The following HERC1 variants were observed in gnomAD, a reference collection of about 807,000 sequenced individuals.
HERC1 encodes the protein probable E3 ubiquitin-protein ligase HERC1.
In HERC1, 160 loss-of-function variants were observed where a neutral mutation model predicts 554.3. That is an observed-to-expected ratio of 0.29 (90% CI 0.25 to 0.33). The LOEUF is 0.33. Ranked by LOEUF, HERC1 falls within the 10% of genes least tolerant of loss-of-function variation. The pLI is 1.00. For missense variants in HERC1, 4,919 were observed against 5,918.5 expected, an observed-to-expected ratio of 0.83 and a Z score of 5.54; for synonymous variants, 2,175 against 2,131.7, an observed-to-expected ratio of 1.02 and a Z score of -0.56.
chr15:63,608,783 A>G lies in HERC1; in HGVS notation c.*298T>C. On this transcript the variant is annotated 3_prime_UTR_variant, in exon 78 of 78. Coordinates refer to ENST00000443617, the MANE Select transcript of HERC1 (RefSeq NM_003922.4). The stretch of plus-strand genomic sequence containing the variant: ...TCACTGGGTGGATTTACAAAAATGT[A>G]CCATTCCCAACTAAAAATGCACCAA... 4.1e-6 allele frequency: 1 copy of G among 244,334 alleles called. No homozygotes were observed. The highest frequency in any genetic ancestry group is 7.9e-6 in the Non-Finnish European group (1 of 126,320). 15.1% of individuals were successfully genotyped at this position (244,334 alleles called of 1,614,324 possible). A position where few individuals can be genotyped will look rare whatever the true frequency, so the allele number is the denominator to read the frequency against.
chr15:63,815,219 A>G (rs1488463858), intron 1 of HERC1, among the ~76,000 whole-genome samples: 1 of 152,082 alleles, frequency 6.6e-6, no homozygotes, highest in Non-Finnish European at 1.5e-5. Context: ...TCCCTCCAAA[A>G]AGACTTTAAA....
intron 67 of HERC1, among the ~76,000 whole-genome samples, 194 bp downstream of exon 67, chr15:63,633,654 T>A (rs1345869286): frequency 1.3e-5 from 2 of 152,216 alleles, no homozygotes; most frequent in East Asian, 1.9e-4. Flanking sequence ...TAAATCCAGT[T>A]TAGCTGGATT....
intron 3 of HERC1, among the ~76,000 whole-genome samples, chr15:63,759,925 C>G (rs6494430): frequency 0.26 from 39,407 of 152,048 alleles, 5,646 homozygotes; most frequent in Middle Eastern, 0.38. Flanking sequence ...AGGACAGCTG[C>G]CAGTCCCTAA....
At chr15:63,621,889 G>A (rs1441339901) in intron 74 of HERC1, among the ~76,000 whole-genome samples, 2 of 151,940 alleles carry the variant, frequency 1.3e-5, no homozygotes, top group Non-Finnish European at 2.9e-5. Flanking sequence ...TTAGCCATTC[G>A]TCTAATTTTT....
Position 63,706,913 on chromosome 15 carries a change from G to C in HERC1, c.4585-82C>G, listed in dbSNP as rs72750987. On this transcript the variant is annotated intron_variant, in intron 24 of 77. Transcript: ENST00000443617. ...TAAGATTTAATAGAGTATTAGAATAGAAATTCATGTAATTACAGCAATGTC... is the reference window on the plus strand; with the variant it reads ...TAAGATTTAATAGAGTATTAGAATACAAATTCATGTAATTACAGCAATGTC... 0.19 allele frequency: 163,477 copies of C among 852,078 alleles called. 17,617 individuals carry two copies. Among genetic ancestry groups the C allele is most frequent in the Non-Finnish European group, 0.22 (122,987 of 548,968 alleles). The allele number at this position is 852,078 out of a possible 1,614,324, so 52.8% of individuals were successfully genotyped here. A position where few individuals can be genotyped will look rare whatever the true frequency, so the allele number is the denominator to read the frequency against.
rs765559565 is a variant in HERC1, at chr15:63,729,596, T to C, written c.2922A>G (p.Thr974=). 1.9e-6 allele frequency: 3 copies of C among 1,613,756 alleles called. No individual in the cohort carries two copies. Among genetic ancestry groups the C allele is most frequent in the Admixed American group, 3.3e-5 (2 of 60,028 alleles). ...EKNSDKFLLG[T]SSSENSQPAH... ...CAGGCTGACTGTTTTCTGATGATGA[T>C]GTTCCAAGTAGAAATTTATCACTAT... Residue 974 remains threonine (T), a synonymous_variant, in exon 15 of 78, where the codon ACA becomes ACG. Transcript: ENST00000443617.
intron 2 of HERC1, among the ~76,000 whole-genome samples, chr15:63,765,954 C>CA (rs2075763409): frequency 1.3e-5 from 2 of 152,000 alleles, no homozygotes; most frequent in Admixed American, 1.3e-4. Flanking sequence ...TTTCTTGTCT[C>CA]AGACACTTCT....
chr15:63,769,466 T>C (rs768671852), intron 2 of HERC1, among the ~76,000 whole-genome samples: 12 of 152,188 alleles, frequency 7.9e-5, no homozygotes, highest in Non-Finnish European at 1.5e-4. Flanking sequence ...AAAATAAATT[T>C]TGAAAAATAT....
intron 1 of HERC1, among the ~76,000 whole-genome samples, chr15:63,785,478 A>C: frequency 6.6e-6 from 1 of 152,042 alleles, no homozygotes; most frequent in South Asian, 2.1e-4. Context: ...ATAAACTTTA[A>C]GAATATTAGG....
chr15:63,627,810 T>C (rs542118850), intron 70 of HERC1, among the ~76,000 whole-genome samples: 91 of 152,332 alleles, frequency 6.0e-4, no homozygotes, highest in African/African-American at 2.1e-3. Context: ...CAGTTGGGTG[T>C]TGAGCACACA....
chr15:63,790,532 C>A (rs1033053698), intron 1 of HERC1, among the ~76,000 whole-genome samples: 1 of 151,880 alleles, frequency 6.6e-6, no homozygotes, highest in East Asian at 1.9e-4. Flanking sequence ...GAGCCGAGAT[C>A]GCACCACTGC....
Position 63,669,611 on chromosome 15 carries a change from A to G in HERC1, c.8133T>C (p.Pro2711=). 1 of 1,613,900 alleles carries G rather than the reference A, an allele frequency of 6.2e-7. No individual in the cohort carries two copies. ...TTTGCCTCCTTCCTACTTCATCAGA[A>G]GGAGAGGTTGGTAACGAAGATATTG... ...TPPISSLPTS[P]SDEVGRRQSL... Residue 2711 remains proline (P), a synonymous_variant, in exon 40 of 78, where the codon CCT becomes CCC. Transcript: ENST00000443617.
intron 42 of HERC1, among the ~76,000 whole-genome samples, chr15:63,664,919 C>A: frequency 6.6e-6 from 1 of 152,120 alleles, no homozygotes; most frequent in East Asian, 1.9e-4. Context: ...ATTGAGAATT[C>A]TTGCCTAGGA....
intron 2 of HERC1, among the ~76,000 whole-genome samples, chr15:63,767,824 C>T (rs749078682): frequency 3.9e-5 from 6 of 152,150 alleles, no homozygotes; most frequent in South Asian, 4.1e-4. Flanking sequence ...ACAAGTTCTC[C>T]CTCTGCCTTC....
intron 1 of HERC1, among the ~76,000 whole-genome samples, chr15:63,830,051 A>C (rs1025943555): frequency 6.6e-6 from 1 of 152,228 alleles, no homozygotes; most frequent in Non-Finnish European, 1.5e-5. Flanking sequence ...ATGATTAGCC[A>C]AACACCACAG....
At chr15:63,788,325 G>A (rs2076521908) in intron 1 of HERC1, among the ~76,000 whole-genome samples, 1 of 152,134 alleles carries the variant, frequency 6.6e-6, no homozygotes, top group Admixed American at 6.5e-5. Context: ...ACTGTAAATT[G>A]GAGAATTGGG....
intron 2 of HERC1, among the ~76,000 whole-genome samples, chr15:63,773,163 C>T (rs2076001592): frequency 6.6e-6 from 1 of 152,124 alleles, no homozygotes; most frequent in Non-Finnish European, 1.5e-5. Flanking sequence ...TCAATGTAGG[C>T]CGGGTGTGGT....
At chr15:63,824,385 T>A (rs536113390) in intron 1 of HERC1, among the ~76,000 whole-genome samples, 1 of 151,772 alleles carries the variant, frequency 6.6e-6, no homozygotes, top group Admixed American at 6.6e-5. Context: ...TACAAAAAAA[T>A]TAGCCGGGTG....
intron 50 of HERC1, among the ~76,000 whole-genome samples, chr15:63,655,093 C>T (rs2069949540): frequency 6.6e-6 from 1 of 151,984 alleles, no homozygotes; most frequent in South Asian, 2.1e-4. Flanking sequence ...GTGGCTCATG[C>T]CTGTAATCTG....
Sources: allele counts gnomAD v4.1 joint callset (sites outside exome capture counted in the v4.1 genomes callset), GRCh38; gene constraint gnomAD v4.1.1; transcripts MANE v1.5; gene names NCBI Gene and HGNC (gene_info 2026-07-23, HGNC 2026-07-21).